Variants in KHDRBS2 observed in about 807,000 individuals in gnomAD.
The protein encoded by KHDRBS2 is KH domain-containing, RNA-binding, signal transduction-associated protein 2.
A neutral mutation model predicts 44.3 loss-of-function variants in KHDRBS2; 26 were observed. That is an observed-to-expected ratio of 0.59 (90% confidence interval 0.43 to 0.81). KHDRBS2 has a LOEUF of 0.81. KHDRBS2 is among the 40% of genes least tolerant of loss of function. The pLI is 0.00. For synonymous variants in KHDRBS2, 194 were observed against 151.1 expected, an observed-to-expected ratio of 1.28 and a Z score of -2.08; for missense variants, 476 against 433.1, an observed-to-expected ratio of 1.10 and a Z score of -0.88.
At chr6:62,245,083 T>C (rs1220718219) in intron 1 of KHDRBS2, among the ~76,000 whole-genome samples, 1 of 152,140 alleles carries the variant, frequency 6.6e-6, no homozygotes, top group African/African-American at 2.4e-5. Flanking sequence ...AACATTCTCA[T>C]GCGACTAGAA....
intron 6 of KHDRBS2, among the ~76,000 whole-genome samples, chr6:61,853,883 GA>G (rs781407506): frequency 3.1e-4 from 47 of 152,288 alleles, no homozygotes; most frequent in Non-Finnish European, 6.3e-4. Context: ...CTGGCTGAAG[GA>G]AAAGAGAACG....
intron 1 of KHDRBS2, among the ~76,000 whole-genome samples, chr6:62,244,170 A>C (rs1835152066): frequency 6.6e-6 from 1 of 152,150 alleles, no homozygotes; most frequent in African/African-American, 2.4e-5. Flanking sequence ...CGTACACGTG[A>C]AACTATTATA....
At chr6:61,749,361 T>C (rs1265761883) in intron 6 of KHDRBS2, among the ~76,000 whole-genome samples, 2 of 152,170 alleles carry the variant, frequency 1.3e-5, no homozygotes, top group Non-Finnish European at 2.9e-5. Flanking sequence ...CTGGTAACCA[T>C]ATTGGACATA....
the KHDRBS2 span, among the ~76,000 whole-genome samples, chr6:61,577,694 C>T: frequency 6.6e-6 from 1 of 151,976 alleles, no homozygotes; most frequent in African/African-American, 2.4e-5. Context: ...GTTCTTTATA[C>T]AATATATGTT....
chr6:61,955,490 GTATA>G (rs1562520110), intron 4 of KHDRBS2, among the ~76,000 whole-genome samples: 32 of 50,052 alleles, frequency 6.4e-4, no homozygotes, highest in African/African-American at 2.0e-3. Context: ...ATGTATGTAT[GTATA>G]CATGTGTATA....
chr6:61,821,868 C>T (rs1426275585), intron 6 of KHDRBS2, among the ~76,000 whole-genome samples: 1 of 151,806 alleles, frequency 6.6e-6, no homozygotes, highest in Non-Finnish European at 1.5e-5. Context: ...ATATAGGTGT[C>T]TGAAGTTGTT....
chr6:61,650,462 A>C, the KHDRBS2 span, among the ~76,000 whole-genome samples: 14 of 151,896 alleles, frequency 9.2e-5, no homozygotes, highest in African/African-American at 3.4e-4. Context: ...AGTAGAATCT[A>C]ACTAAATATT....
the KHDRBS2 span, among the ~76,000 whole-genome samples, chr6:61,567,234 A>G: frequency 6.6e-6 from 1 of 152,192 alleles, no homozygotes; most frequent in African/African-American, 2.4e-5. Context: ...GAAAAAAAAG[A>G]ATTTACAGCT....
intron 2 of KHDRBS2, among the ~76,000 whole-genome samples, chr6:62,115,807 T>G (rs1421317764): frequency 6.6e-6 from 1 of 152,108 alleles, no homozygotes; most frequent in Non-Finnish European, 1.5e-5. Context: ...ACGTTAATTA[T>G]ATATTGAGTT....
chr6:61,683,654 G>T (rs1337789612), intron 8 of KHDRBS2, among the ~76,000 whole-genome samples: 1 of 151,776 alleles, frequency 6.6e-6, no homozygotes, highest in Admixed American at 6.6e-5. Context: ...ACTCAAAAGG[G>T]TTATCTAAGT....
Position 62,253,329 on chromosome 6 carries a change from C to T in KHDRBS2, c.91+32529G>A, listed in dbSNP as rs189040239. ...GAATTACACATAATTTATCCATATTCGCACAAAATTACAGACTGTCCTCTA... is the reference window on the plus strand; with the variant it reads ...GAATTACACATAATTTATCCATATTTGCACAAAATTACAGACTGTCCTCTA... On this transcript the variant is annotated intron_variant, in intron 1 of 8. Transcript: ENST00000281156. Among the ~76,000 whole-genome samples the T allele has an allele frequency of 1.5e-3, 232 of 152,016 alleles. 1 individual carries two copies. The highest frequency in any genetic ancestry group is 5.4e-3 in the African/African-American group (225 of 41,496).
At chr6:62,277,247 A>G (rs1585578610) in intron 1 of KHDRBS2, among the ~76,000 whole-genome samples, 1 of 152,100 alleles carries the variant, frequency 6.6e-6, no homozygotes, top group East Asian at 1.9e-4. Context: ...TGAATCCCCT[A>G]TAGATTATAA....
intron 7 of KHDRBS2, among the ~76,000 whole-genome samples, chr6:61,705,326 T>C (rs1769341929): frequency 6.6e-6 from 1 of 151,808 alleles, no homozygotes; most frequent in Admixed American, 6.6e-5. Context: ...TCTGTATCTT[T>C]AACATTCTTC....
At chr6:61,545,655 C>A in the KHDRBS2 span, among the ~76,000 whole-genome samples, 1 of 151,930 alleles carries the variant, frequency 6.6e-6, no homozygotes, top group African/African-American at 2.4e-5. Flanking sequence ...AAACTGAGAT[C>A]CTCTCTGTTA....
In KHDRBS2 at chr6:62,129,208, A is replaced by G. The variant is rs149325616; in HGVS notation, c.219+47977T>C. ...TGGCTTTAAATTTCCTCTGTTTACA[A>G]GTTTATTAAAACCCCACAACAAGTT... On this transcript the variant is annotated intron_variant, in intron 2 of 8. Coordinates refer to ENST00000281156, the MANE Select transcript of KHDRBS2 (RefSeq NM_152688.4). Among the ~76,000 whole-genome samples, 188 of 152,242 alleles carry G rather than the reference A, an allele frequency of 1.2e-3. 1 individual carries two copies. The East Asian group carries it at 0.024, about 19-fold the overall frequency.
chr6:62,102,973 C>T (rs550327196), intron 2 of KHDRBS2, among the ~76,000 whole-genome samples: 16 of 152,246 alleles, frequency 1.1e-4, no homozygotes, highest in Non-Finnish European at 1.8e-4. Flanking sequence ...TCAAGAGATC[C>T]GAAGTGTGTA....
At chr6:62,170,883 T>G (rs566636577) in intron 2 of KHDRBS2, among the ~76,000 whole-genome samples, 165 of 146,022 alleles carry the variant, frequency 1.1e-3, no homozygotes, top group African/African-American at 3.9e-3. Context: ...TATTCCAGAA[T>G]CAAAGCCAGT....
rs562685211 is a variant in KHDRBS2 at position 61,734,412 on chromosome 6, C to A, written c.811-1648G>T. 2.6e-5 allele frequency among the ~76,000 whole-genome samples: 4 copies of A among 152,060 alleles called. No individual in the cohort carries two copies. The East Asian group carries it at 7.8e-4, about 29-fold the overall frequency. On this transcript the variant is annotated intron_variant, in intron 6 of 8. Coordinates refer to ENST00000281156, the MANE Select transcript of KHDRBS2 (RefSeq NM_152688.4). ...AGTTCCTTGTCTTGTTCTCCTTTAACCTTCAGCTCTCTTTCAGTATTTTCA... is the reference window on the plus strand; with the variant it reads ...AGTTCCTTGTCTTGTTCTCCTTTAAACTTCAGCTCTCTTTCAGTATTTTCA...
chr6:61,891,740 G>C (rs536606908), intron 6 of KHDRBS2, among the ~76,000 whole-genome samples: 15 of 152,218 alleles, frequency 9.9e-5, no homozygotes, highest in African/African-American at 3.4e-4. Context: ...AGGTATTGAT[G>C]GGATATATCT....
Sources: allele counts gnomAD v4.1 joint callset (sites outside exome capture counted in the v4.1 genomes callset), GRCh38; gene constraint gnomAD v4.1.1; transcripts MANE v1.5; gene names NCBI Gene and HGNC (gene_info 2026-07-23, HGNC 2026-07-21).